Variants in TENM1 observed in about 807,000 individuals in gnomAD.
TENM1 encodes teneurin transmembrane protein 1.
Under a neutral mutation model 174.8 loss-of-function variants are expected in TENM1, and 35 were observed. The observed-to-expected ratio is 0.20, with a 90% confidence interval of 0.15 to 0.27. TENM1 has a LOEUF of 0.27. Among genes scored for constraint, TENM1 ranks in the 10% least tolerant of loss-of-function variants. The pLI is 1.00. For missense variants in TENM1, 1,633 were observed against 2,130.1 expected, an observed-to-expected ratio of 0.77 and a Z score of 4.59; for synonymous variants, 781 against 798.7, an observed-to-expected ratio of 0.98 and a Z score of 0.37.
chrX:124,392,468 C>CG, intron 27 of TENM1, 120 bp from the exon 31 acceptor site: 4 of 555,358 alleles, frequency 7.2e-6, no homozygotes, highest in Non-Finnish European at 1.2e-5. Flanking sequence ...CCTCTGAAGC[C>CG]TCACGGCTTC....
chrX:124,986,265 A>C, the TENM1 span, among the ~76,000 whole-genome samples: 8 of 111,622 alleles, frequency 7.2e-5, no homozygotes, highest in Admixed American at 4.8e-4. Context: ...GTTTTCACAA[A>C]ATTTTCAAGC....
chrX:124,561,840 C>G, intron 13 of TENM1, 23 bp from the exon 17 acceptor site: 1 of 1,204,603 alleles, frequency 8.3e-7, no homozygotes, highest in Non-Finnish European at 1.1e-6. Context: ...CAGAGAGTAA[C>G]CATCACAGAG....
rs577809601 is a variant in TENM1 at position 124,905,509 on chromosome X, A to G, written c.218-9268T>C. 3.8e-4 allele frequency among the ~76,000 whole-genome samples: 42 copies of G among 111,904 alleles called. No individual in the cohort carries two copies. The South Asian group carries it at 0.016, about 42-fold the overall frequency. On this transcript the variant is annotated intron_variant, in intron 1 of 31. Coordinates refer to ENST00000422452, the Ensembl canonical transcript of TENM1. ...TCCTGCCTTAAATGACAACAACGAAAGCCACACAAAATGTATGAAACAACA... is the reference window on the plus strand; with the variant it reads ...TCCTGCCTTAAATGACAACAACGAAGGCCACACAAAATGTATGAAACAACA...
At chrX:124,611,295 C>T (rs757460860) in intron 11 of TENM1, among the ~76,000 whole-genome samples, 3 of 111,690 alleles carry the variant, frequency 2.7e-5, no homozygotes, top group Non-Finnish European at 5.6e-5. Context: ...CATCTGCTCA[C>T]ATTTCATAGG....
intron 6 of TENM1, among the ~76,000 whole-genome samples, chrX:124,660,812 T>C (rs1027708960): frequency 6.2e-5 from 7 of 112,091 alleles, no homozygotes; most frequent in Non-Finnish European, 9.4e-5. Context: ...AGTTCATCAG[T>C]TGAAGAACTG....
chrX:124,415,867 A>G (rs2060588281), intron 25 of TENM1, among the ~76,000 whole-genome samples: 1 of 111,850 alleles, frequency 8.9e-6, no homozygotes, highest in Admixed American at 9.5e-5. Context: ...AATTGATATG[A>G]CAACAAAATT....
chrX:124,513,351 C>T (rs1277200539), intron 18 of TENM1, among the ~76,000 whole-genome samples: 2 of 111,709 alleles, frequency 1.8e-5, no homozygotes, highest in African/African-American at 3.3e-5. Context: ...TCCCCTTCCA[C>T]TCCCTTCTCT....
chrX:124,900,685 A>G (rs2057644904), intron 1 of TENM1, among the ~76,000 whole-genome samples: 1 of 111,719 alleles, frequency 9.0e-6, no homozygotes, highest in Admixed American at 9.5e-5. Context: ...TAAATGTAAC[A>G]CGAACAAAAA....
exon 5 of TENM1, chrX:124,705,203 T>C: frequency 8.3e-7 from 1 of 1,209,190 alleles, no homozygotes; most frequent in Non-Finnish European, 1.1e-6. Flanking sequence ...TCTGACTGGC[T>C]GCACTGAAGA....
chrX:125,175,858 G>A, the TENM1 span, among the ~76,000 whole-genome samples: 6 of 112,144 alleles, frequency 5.4e-5, no homozygotes, highest in Admixed American at 5.7e-4. Context: ...GTTAAATGCT[G>A]TATATATTTG....
the TENM1 span, among the ~76,000 whole-genome samples, chrX:124,984,364 T>C: frequency 8.9e-6 from 1 of 112,644 alleles, no homozygotes; most frequent in African/African-American, 3.2e-5. Context: ...TAATGACTAA[T>C]TGGGACGAAA....
the TENM1 span, among the ~76,000 whole-genome samples, chrX:125,079,035 G>A: frequency 9.0e-6 from 1 of 111,513 alleles, no homozygotes; most frequent in Non-Finnish European, 1.9e-5. Context: ...AAGGAGCACC[G>A]TCAGGATTCA....
the TENM1 span, among the ~76,000 whole-genome samples, chrX:124,972,912 C>A: frequency 8.9e-6 from 1 of 111,903 alleles, no homozygotes; most frequent in South Asian, 3.7e-4. Flanking sequence ...GTTGATATAA[C>A]AGAATACCTG....
chrX:124,678,843 C>T (rs925214136), intron 5 of TENM1, among the ~76,000 whole-genome samples: 2 of 111,297 alleles, frequency 1.8e-5, no homozygotes, highest in Non-Finnish European at 3.8e-5. Flanking sequence ...CTTTATAGTG[C>T]TACTGTCAGG....
chrX:125,028,834 T>TG, the TENM1 span, among the ~76,000 whole-genome samples: 36 of 110,925 alleles, frequency 3.2e-4, no homozygotes, highest in East Asian at 9.4e-3. Context: ...AAGAATGGCA[T>TG]GGGGGGGACA....
At chrX:124,888,259 T>C (rs1216622837) in intron 3 of TENM1, among the ~76,000 whole-genome samples, 1 of 111,764 alleles carries the variant, frequency 8.9e-6, no homozygotes, top group African/African-American at 3.3e-5. Context: ...AATGGATTTC[T>C]TGGCTGTTAT....
At chrX:124,609,258 A>G (rs1340193086) in intron 11 of TENM1, among the ~76,000 whole-genome samples, 1 of 111,835 alleles carries the variant, frequency 8.9e-6, no homozygotes, top group Non-Finnish European at 1.9e-5. Flanking sequence ...AAATGAAAAA[A>G]AGTTTAATCT....
chrX:124,507,208 C>A (rs1476674639), intron 18 of TENM1, among the ~76,000 whole-genome samples: 1 of 111,636 alleles, frequency 9.0e-6, no homozygotes, highest in Non-Finnish European at 1.9e-5. Context: ...TCCTGGACTA[C>A]ACTTCCCAGG....
intron 11 of TENM1, among the ~76,000 whole-genome samples, chrX:124,585,440 G>A (rs1419872005): frequency 1.8e-5 from 2 of 110,825 alleles, no homozygotes; most frequent in East Asian, 2.8e-4. Context: ...ATGACTACTG[G>A]GTACATAACG....
Sources: allele counts gnomAD v4.1 joint callset (sites outside exome capture counted in the v4.1 genomes callset), GRCh38; gene constraint gnomAD v4.1.1; transcripts MANE v1.5; gene names NCBI Gene and HGNC (gene_info 2026-07-23, HGNC 2026-07-21).